Variants in STK33 observed in about 807,000 individuals in gnomAD.
STK33 encodes serine/threonine-protein kinase 33.
In STK33, 52 loss-of-function variants were observed where a neutral mutation model predicts 58.0. The ratio of observed to expected loss-of-function variants is 0.90; its 90% CI spans 0.72 to 1.13. The LOEUF (loss-of-function observed/expected upper bound fraction) is 1.13, where lower values mean the gene tolerates loss of function less well. Among genes scored for constraint, STK33 ranks in the 50% most tolerant of loss-of-function variants. STK33 has a pLI of 0.00. For missense variants in STK33, 630 were observed against 604.2 expected, an observed-to-expected ratio of 1.04 and a Z score of -0.45; for synonymous variants, 215 against 200.1, an observed-to-expected ratio of 1.07 and a Z score of -0.63.
At chr11:8,583,197 A>T (rs1379518397) in intron 1 of STK33, among the ~76,000 whole-genome samples, 1 of 152,168 alleles carries the variant, frequency 6.6e-6, no homozygotes, top group Non-Finnish European at 1.5e-5. Flanking sequence ...GAAAATGATC[A>T]TGTGTCCCCT....
chr11:8,343,345 G>A, the STK33 span, among the ~76,000 whole-genome samples: 2 of 152,242 alleles, frequency 1.3e-5, no homozygotes, highest in Non-Finnish European at 2.9e-5. Context: ...GCTTTGTGAG[G>A]GAGGGCCAAA....
At chr11:8,442,171 GAAGA>G (rs1184004908) in intron 11 of STK33, among the ~76,000 whole-genome samples, 1 of 152,070 alleles carries the variant, frequency 6.6e-6, no homozygotes, top group African/African-American at 2.4e-5. Flanking sequence ...AGATTAAACA[GAAGA>G]AAGAATGTAC....
chr11:8,494,704 G>T (rs1467811135), intron 1 of STK33, among the ~76,000 whole-genome samples: 1 of 152,158 alleles, frequency 6.6e-6, no homozygotes, highest in Non-Finnish European at 1.5e-5. Flanking sequence ...TATATACAAG[G>T]CTACAGTAAC....
chr11:8,396,899 G>A (rs1849444460), intron 15 of STK33, among the ~76,000 whole-genome samples: 1 of 152,216 alleles, frequency 6.6e-6, no homozygotes, highest in Non-Finnish European at 1.5e-5. Flanking sequence ...CTGCAAGGCT[G>A]CAACGAGGCT....
At chr11:8,338,317 GA>G in the STK33 span, among the ~76,000 whole-genome samples, 2 of 152,180 alleles carry the variant, frequency 1.3e-5, no homozygotes, top group South Asian at 4.1e-4. Context: ...CAGGCTCCCA[GA>G]AAAAGGATCC....
chr11:8,389,429 G>C (rs952901091), downstream of STK33, among the ~76,000 whole-genome samples: 9 of 152,192 alleles, frequency 5.9e-5, no homozygotes, highest in African/African-American at 2.2e-4. Context: ...AGCCTCTCTG[G>C]GCAGAGACGG....
chr11:8,450,110 T>C (rs1412987072), intron 11 of STK33, among the ~76,000 whole-genome samples: 2 of 152,308 alleles, frequency 1.3e-5, no homozygotes, highest in South Asian at 2.1e-4. Context: ...TGCACACTTA[T>C]GTTTATTGCG....
the STK33 span, among the ~76,000 whole-genome samples, chr11:8,350,655 C>G: frequency 6.6e-6 from 1 of 151,956 alleles, no homozygotes; most frequent in Non-Finnish European, 1.5e-5. Flanking sequence ...AAGTGGGGGT[C>G]AGGAAGGGGA....
the STK33 span, among the ~76,000 whole-genome samples, chr11:8,379,918 T>C: frequency 5.9e-5 from 9 of 152,318 alleles, no homozygotes; most frequent in East Asian, 3.9e-4. Flanking sequence ...CCAAGGATAA[T>C]GGCCTCCAGC....
chr11:8,536,863 C>G (rs1955047348), intron 1 of STK33, among the ~76,000 whole-genome samples: 1 of 143,960 alleles, frequency 6.9e-6, no homozygotes, highest in Admixed American at 7.1e-5. Context: ...CTCACTGCAA[C>G]CTTGAGCTCC....
In STK33 at chr11:8,474,628, A is replaced by G. The variant is rs1006231318; in HGVS notation, c.225+53T>C. On this transcript the variant is annotated intron_variant, in intron 5 of 15. Coordinates refer to ENST00000687296, the MANE Select transcript of STK33 (RefSeq NM_001352389.2). ...GGATATGGATGAAGCTAGGAGTACC[A>G]TTAGGGAACGGGATGTCAACTTGTG... is the stretch of plus-strand genomic sequence containing the variant. 4.5e-6 allele frequency: 6 copies of G among 1,343,398 alleles called. No homozygotes were observed. The African/African-American group carries it at 8.7e-5, about 20-fold the overall frequency. 83.2% of individuals were successfully genotyped at this position (1,343,398 alleles called of 1,614,324 possible). A position where few individuals can be genotyped will look rare whatever the true frequency, so the allele number is the denominator to read the frequency against.
chr11:8,475,173 T>C (rs1949151202), intron 4 of STK33, 107 bp from the exon 5 acceptor site: 3 of 321,042 alleles, frequency 9.3e-6, no homozygotes, highest in Non-Finnish European at 1.1e-5. Flanking sequence ...TGTATAGACA[T>C]GAAAAGGACA....
chr11:8,349,878 C>T, the STK33 span, among the ~76,000 whole-genome samples: 29 of 152,240 alleles, frequency 1.9e-4, no homozygotes, highest in African/African-American at 6.8e-4. Context: ...ATAGATTTCT[C>T]CTGGGAAACC....
intron 1 of STK33, among the ~76,000 whole-genome samples, chr11:8,487,034 TTTGTC>T (rs1180118256): frequency 6.6e-6 from 1 of 152,154 alleles, no homozygotes; most frequent in Admixed American, 6.5e-5. Context: ...CCAAGTTTGC[TTTGTC>T]TTAATTACAC....
intron 1 of STK33, among the ~76,000 whole-genome samples, chr11:8,545,001 GC>G (rs1202561393): frequency 6.6e-6 from 1 of 152,272 alleles, no homozygotes; most frequent in Non-Finnish European, 1.5e-5. Context: ...AGATTGAAGA[GC>G]AATCCAAAAG....
At chr11:8,583,787 G>A (rs911691466) in intron 1 of STK33, among the ~76,000 whole-genome samples, 6 of 152,066 alleles carry the variant, frequency 3.9e-5, no homozygotes, top group African/African-American at 1.4e-4. Context: ...AATTAAGACT[G>A]TTTAGTTTCC....
rs144575904 is a variant in STK33 at position 8,440,730 on chromosome 11, C to A, written c.895G>T (p.Asp299Tyr). ...YMAPEVISAH[D>Y]YSQQCDIWSI... is the part of the protein sequence containing the mutation. ...CAAATGTCACACTGCTGGCTATAGTCGTGGGCACTGATAACTTCAGGGGCT... is the reference window on the plus strand; with the variant it reads ...CAAATGTCACACTGCTGGCTATAGTAGTGGGCACTGATAACTTCAGGGGCT... The change falls in exon 12 of 16, where the codon GAC becomes TAC. Residue 299 changes from aspartate to tyrosine, a missense_variant. By Grantham distance (160) the Asp-to-Tyr change is radical. Transcript: ENST00000687296. 2.5e-6 allele frequency: 4 copies of A among 1,569,714 alleles called. No homozygotes were observed. Among genetic ancestry groups the A allele is most frequent in the Non-Finnish European group, 3.5e-6 (4 of 1,155,320 alleles).
Position 8,452,876 on chromosome 11 carries a change from G to T in STK33, c.817C>A (p.Gln273Lys), listed in dbSNP as rs1375807727. The T allele has an allele frequency of 6.2e-7, 1 of 1,614,082 alleles. No individual in the cohort carries two copies. Among genetic ancestry groups the T allele is most frequent in the African/African-American group, 1.3e-5 (1 of 75,030 alleles). ...VTDFGLAVKK[Q>K]SRSEAMLQAT... ...TGCAGCATGGCTTCACTCCTACTTT[G>T]CTTCTTCACCGCTAAGCCAAAATCA... is the stretch of plus-strand genomic sequence containing the variant. The change falls in exon 11 of 16, where the codon CAA (glutamine) becomes AAA (lysine). Residue 273 changes from glutamine (Q) to lysine (K), a missense_variant. Physicochemically the swap from Gln to Lys is moderately conservative, Grantham distance 53. Transcript: ENST00000687296.
chr11:8,556,782 A>G (rs1484888885), intron 1 of STK33, among the ~76,000 whole-genome samples: 1 of 152,182 alleles, frequency 6.6e-6, no homozygotes, highest in Non-Finnish European at 1.5e-5. Flanking sequence ...TCATCATTAT[A>G]TTCTCCAGAG....
Sources: allele counts gnomAD v4.1 joint callset (sites outside exome capture counted in the v4.1 genomes callset), GRCh38; gene constraint gnomAD v4.1.1; transcripts MANE v1.5; gene names NCBI Gene and HGNC (gene_info 2026-07-23, HGNC 2026-07-21).